The following SCN1A variants were observed in gnomAD, a reference collection of about 807,000 sequenced individuals.
SCN1A encodes the protein sodium channel protein type 1 subunit alpha.
Under a neutral mutation model 193.7 loss-of-function variants are expected in SCN1A, and 13 were observed. The observed-to-expected ratio is 0.07, with a 90% CI of 0.04 to 0.11. The LOEUF (loss-of-function observed/expected upper bound fraction) is 0.11. Ranked by LOEUF, SCN1A falls within the 10% of genes least tolerant of loss-of-function variation. The pLI is 1.00. For synonymous variants in SCN1A, 781 were observed against 843.6 expected (o/e 0.93, Z 1.29); for missense variants, 1,432 against 2,451.1 (o/e 0.58, Z 8.78).
intron 3 of SCN1A, 24 bp from the exon 4 acceptor site, chr2:166,073,694 T>C: frequency 6.6e-7 from 1 of 1,515,220 alleles, no homozygotes; most frequent in Non-Finnish European, 9.1e-7. Flanking sequence ...AATACAGATA[T>C]TTTAAAGAGT....
chr2:166,035,809 C>T (rs1696252437), intron 19 of SCN1A, among the ~76,000 whole-genome samples: 1 of 152,136 alleles, frequency 6.6e-6, no homozygotes, highest in African/African-American at 2.4e-5. Flanking sequence ...GGAGCTGCAG[C>T]TTGCTGCCCC....
chr2:166,123,967 T>C (rs1690931723), intron 2 of SCN1A, among the ~76,000 whole-genome samples: 1 of 152,218 alleles, frequency 6.6e-6, no homozygotes, highest in Non-Finnish European at 1.5e-5. Context: ...CAATCCATCA[T>C]TGGCCTCATT....
At chr2:166,030,353 T>G (rs1466625880) in intron 19 of SCN1A, among the ~76,000 whole-genome samples, 1 of 152,050 alleles carries the variant, frequency 6.6e-6, no homozygotes, top group African/African-American at 2.4e-5. Context: ...CCAATAGTAC[T>G]TTGTCCATGG....
intron 2 of SCN1A, among the ~76,000 whole-genome samples, chr2:166,122,677 CAA>C (rs1173094481): frequency 6.6e-6 from 1 of 151,924 alleles, no homozygotes; most frequent in African/African-American, 2.4e-5. Flanking sequence ...TATGAACAAA[CAA>C]AAGAGTAATG....
At chr2:166,051,665 T>A (rs1173735765) in intron 9 of SCN1A, 54 bp downstream of exon 9, 1 of 1,395,960 alleles carries the variant, frequency 7.2e-7, no homozygotes, top group Non-Finnish European at 9.9e-7. Flanking sequence ...TCCTTTGTGT[T>A]ACAAACAATC....
intron 17 of SCN1A, among the ~76,000 whole-genome samples, chr2:166,039,220 C>T (rs556951777): frequency 2.1e-4 from 32 of 152,136 alleles, no homozygotes; most frequent in African/African-American, 7.2e-4. Flanking sequence ...TTAACTTTTA[C>T]GTAACTATGT....
intron 18 of SCN1A, among the ~76,000 whole-genome samples, chr2:166,036,904 TA>T (rs1696459073): frequency 6.6e-6 from 1 of 152,204 alleles, no homozygotes. Flanking sequence ...ATGCATTCTA[TA>T]ATTTTTCAAT....
At position 165,991,700 on chromosome 2, in the gene SCN1A, C is replaced by T. The variant is rs1421479124; in HGVS notation, c.5575G>A (p.Gly1859Ser). 1.9e-6 allele frequency: 3 copies of T among 1,613,906 alleles called. No individual in the cohort carries two copies. The highest frequency in any genetic ancestry group is 2.5e-6 in the Non-Finnish European group (3 of 1,179,922). Residue 1859 changes from glycine (G) to serine (S), a missense_variant, in exon 29 of 29, where the codon GGT becomes AGT. Physicochemically the swap from Gly to Ser is moderately conservative, Grantham distance 56. Coordinates refer to ENST00000674923, the MANE Select transcript of SCN1A (RefSeq NM_001165963.4). ...LIAMDLPMVS[G>S]DRIHCLDILF... is the part of the protein sequence containing the mutation. ...ATATCAAGACAGTGGATCCGGTCAC[C>T]ACTCACCATGGGCAAATCCATGGCA...
intron 19 of SCN1A, among the ~76,000 whole-genome samples, chr2:166,030,070 G>A (rs572322540): frequency 1.1e-4 from 16 of 152,238 alleles, no homozygotes; most frequent in African/African-American, 3.6e-4. Flanking sequence ...ATCTATAGTT[G>A]ACACCTGTAC....
intron 4 of SCN1A, among the ~76,000 whole-genome samples, chr2:166,064,817 C>G (rs1282146994): frequency 6.6e-6 from 1 of 152,138 alleles, no homozygotes; most frequent in Non-Finnish European, 1.5e-5. Context: ...ATTTATTGCA[C>G]TTTCCTACTC....
At chr2:166,070,780 T>A (rs1157531530) in intron 4 of SCN1A, among the ~76,000 whole-genome samples, 1 of 151,812 alleles carries the variant, frequency 6.6e-6, no homozygotes, top group African/African-American at 2.4e-5. Context: ...AAAAAAAAGA[T>A]TGATTGGTTG....
At chr2:166,092,988 G>C (rs916025780) in intron 2 of SCN1A, among the ~76,000 whole-genome samples, 1 of 152,032 alleles carries the variant, frequency 6.6e-6, no homozygotes, top group African/African-American at 2.4e-5. Flanking sequence ...CATGGCCACA[G>C]CTTGGTAGGT....
chr2:166,052,543 T>G (rs1258738295), intron 8 of SCN1A, among the ~76,000 whole-genome samples: 1 of 151,638 alleles, frequency 6.6e-6, no homozygotes, highest in Non-Finnish European at 1.5e-5. Flanking sequence ...CATTAATGAC[T>G]CTAATGAATA....
intron 24 of SCN1A, among the ~76,000 whole-genome samples, chr2:166,001,873 C>A (rs1215782019): frequency 1.7e-5 from 2 of 117,428 alleles, no homozygotes; most frequent in Non-Finnish European, 3.5e-5. Context: ...AGGTATAATT[C>A]TCTCTCTTTT....
At position 166,013,893 on chromosome 2, in the gene SCN1A, C is replaced by A. The variant is rs780607306; in HGVS notation, c.3556G>T (p.Val1186Leu). Residue 1186 changes from valine (V) to leucine (L), a missense_variant, in exon 21 of 29, where the codon GTA becomes TTA. This residue lies in a region of SCN1A where 198 missense variants were observed against 225.8 expected (regional missense o/e 0.88). Coordinates refer to ENST00000674923, the MANE Select transcript of SCN1A (RefSeq NM_001165963.4). ...ATTTGACAACACTTGAATCTTTGTACACAGCCTGCAGAAAGTGTTGAAATA... is the reference window on the plus strand; with the variant it reads ...ATTTGACAACACTTGAATCTTTGTAAACAGCCTGCAGAAAGTGTTGAAATA... ...EPEACFTEGC[V>L]QRFKCCQINV... 9.9e-6 allele frequency: 16 copies of A among 1,611,180 alleles called. No individual in the cohort carries two copies. The Admixed American group carries it at 1.8e-4, about 19-fold the overall frequency.
intron 5 of SCN1A, among the ~76,000 whole-genome samples, chr2:166,057,222 T>C (rs76380654): frequency 0.19 from 28,806 of 151,942 alleles, 3,123 homozygotes; most frequent in East Asian, 0.33. Flanking sequence ...TGTACTCATT[T>C]TGTAATGTAA....
chr2:166,044,355 T>C (rs929411033), intron 13 of SCN1A, among the ~76,000 whole-genome samples: 2 of 151,988 alleles, frequency 1.3e-5, no homozygotes, highest in Admixed American at 6.6e-5. Context: ...AAGGGAAACA[T>C]CCTTAGAATA....
chr2:166,077,429 G>GACAC (rs1685092991), intron 3 of SCN1A, among the ~76,000 whole-genome samples: 1 of 151,868 alleles, frequency 6.6e-6, no homozygotes, highest in Non-Finnish European at 1.5e-5. Flanking sequence ...CACCAAAGAA[G>GACAC]ACACACAGAT....
chr2:166,013,339 T>A (rs572149275), intron 21 of SCN1A, among the ~76,000 whole-genome samples: 2 of 151,550 alleles, frequency 1.3e-5, no homozygotes, highest in African/African-American at 4.8e-5. Context: ...CTTACTACTG[T>A]CCATCAAGAG....
Sources: gnomAD v4.1 joint callset for allele counts (sites outside exome capture counted in the v4.1 genomes callset) on GRCh38, gnomAD v4.1.1 for gene constraint, gnomAD v4.1.1 regional missense constraint, MANE v1.5 for transcripts, NCBI Gene and HGNC (gene_info 2026-07-23, HGNC 2026-07-21) for gene names.